Variants in NCAN observed in about 807,000 individuals in gnomAD.
NCAN encodes neurocan, also known as neurocan core protein.
Under a neutral mutation model 121.8 loss-of-function variants are expected in NCAN, and 47 were observed. The ratio of observed to expected loss-of-function variants is 0.39; its 90% CI spans 0.31 to 0.49. NCAN has a LOEUF of 0.49. Ranked by LOEUF, NCAN falls within the 20% of genes least tolerant of loss-of-function variation. The pLI, the probability that NCAN is intolerant of heterozygous loss-of-function variation, is 0.92. For synonymous variants in NCAN, 633 were observed against 702.0 expected, an observed-to-expected ratio of 0.90 and a Z score of 1.55; for missense variants, 1,517 against 1,773.4, an observed-to-expected ratio of 0.86 and a Z score of 2.60.
Position 19,234,994 on chromosome 19 carries a change from T to A in NCAN, c.3148T>A (p.Cys1050Ser). 1 of 1,610,434 alleles carries A rather than the reference T, an allele frequency of 6.2e-7. No homozygotes were observed. The highest frequency in any genetic ancestry group is 8.5e-7 in the Non-Finnish European group (1 of 1,177,312). ...CCCCTCTCTGCCAGACATTGATGAC[T>A]GCCTCTGCAGCCCCTGTGAGAATGG... ...GENCEIDIDD[C>S]LCSPCENGGT... The change falls in exon 10 of 15, where the codon TGC (cysteine) becomes AGC (serine). Residue 1050 changes from cysteine (C) to serine (S), a missense_variant. Cys to Ser is a moderately radical substitution (Grantham distance 112). Coordinates refer to ENST00000252575, the MANE Select transcript of NCAN (RefSeq NM_004386.3).
chr19:19,239,198 C>G lies in NCAN; in HGVS notation c.3409+787C>G, dbSNP rs369626698. ...GGTTTACTCCTGCTTCTCCTGGCCA[C>G]AAACCCTGGGATAGCCTGGGCCTAC... On this transcript the variant is annotated intron_variant, in intron 11 of 14. Transcript: ENST00000252575. Among the ~76,000 whole-genome samples the G allele has an allele frequency of 1.2e-3, 186 of 152,218 alleles. 1 individual carries two copies. Among genetic ancestry groups the G allele is most frequent in the African/African-American group, 4.2e-3 (174 of 41,512 alleles).
At chr19:19,222,617 G>A (rs570799437) in intron 3 of NCAN, among the ~76,000 whole-genome samples, 40 of 152,272 alleles carry the variant, frequency 2.6e-4, no homozygotes, top group South Asian at 1.9e-3. Flanking sequence ...CACTGTACTG[G>A]TCCAATGCTG....
At chr19:19,221,342 A>G (rs574454867) in intron 3 of NCAN, among the ~76,000 whole-genome samples, 15 of 152,096 alleles carry the variant, frequency 9.9e-5, no homozygotes, top group African/African-American at 3.1e-4. Context: ...GTTCGAGACC[A>G]GCAGATCATG....
At chr19:19,243,515 C>CAAAAAAAAAAA (rs781710638) in intron 12 of NCAN, among the ~76,000 whole-genome samples, 1 of 42,664 alleles carries the variant, frequency 2.3e-5, no homozygotes, top group African/African-American at 8.1e-5. Context: ...GACTCCATCT[C>CAAAAAAAAAAA]AAAAAAAAAA....
rs55989964 is a variant in NCAN at position 19,250,343 on chromosome 19, C to G, written c.*432C>G. 11,383 of 365,612 alleles carry G rather than the reference C, an allele frequency of 0.031. 277 individuals carry two copies. Among genetic ancestry groups the G allele is most frequent in the Non-Finnish European group, 0.046 (8,572 of 187,686 alleles). 22.6% of individuals were successfully genotyped at this position (365,612 alleles called of 1,614,324 possible). A position where few individuals can be genotyped will look rare whatever the true frequency, so the allele number is the denominator to read the frequency against. ...CTGAATTCCTAAATCCAGGAAGAAG[C>G]CTGGACGTAGGGTCATTAGCTTTGG... On this transcript the variant is annotated 3_prime_UTR_variant, in exon 15 of 15. Coordinates refer to ENST00000252575, the MANE Select transcript of NCAN (RefSeq NM_004386.3).
intron 9 of NCAN, 146 bp downstream of exon 9, chr19:19,234,051 C>T (rs1336043448): frequency 3.4e-6 from 2 of 594,924 alleles, no homozygotes; most frequent in Non-Finnish European, 6.1e-6. Context: ...TCCTTGCATT[C>T]AGCTAAATCA....
In NCAN at chr19:19,244,203, G is replaced by T. The variant is rs2146557932; in HGVS notation, c.3493-1110G>T. Among the ~76,000 whole-genome samples, 2 of 152,012 alleles carry T rather than the reference G, an allele frequency of 1.3e-5. 1 individual carries two copies. Among genetic ancestry groups the T allele is most frequent in the South Asian group, 4.2e-4 (2 of 4,814 alleles). ...CCATCACGCAGCTCCAGCCCCACTG[G>T]GCTTTGTCTGTTCCTCAAGCAGAAC... is the stretch of plus-strand genomic sequence containing the variant. On this transcript the variant is annotated intron_variant, in intron 12 of 14. Coordinates refer to ENST00000252575, the MANE Select transcript of NCAN (RefSeq NM_004386.3).
Position 19,219,066 on chromosome 19 carries a change from G to A in NCAN, c.225G>A (p.Arg75=). The A allele has an allele frequency of 6.2e-7, 1 of 1,612,422 alleles. No homozygotes were observed. The highest frequency in any genetic ancestry group is 8.5e-7 in the Non-Finnish European group (1 of 1,179,138). ...CAAGCGCAGCCCGAGATGCCCCTCGGATAAAGTGGACCAAGGTGCGGACTG... is the reference window on the plus strand; with the variant it reads ...CAAGCGCAGCCCGAGATGCCCCTCGAATAAAGTGGACCAAGGTGCGGACTG... The part of the protein sequence containing the change: ...PRPSAARDAP[R]IKWTKVRTAS... The change falls in exon 3 of 15, where the codon CGG becomes CGA. Residue 75 remains arginine (R), a synonymous_variant. Transcript: ENST00000252575.
intron 12 of NCAN, among the ~76,000 whole-genome samples, 193 bp from the exon 13 acceptor site, chr19:19,245,120 C>T (rs2060919702): frequency 1.3e-5 from 2 of 152,284 alleles, no homozygotes; most frequent in African/African-American, 4.8e-5. Flanking sequence ...GCCTCCAAAC[C>T]AGAGGAATGG....
intron 9 of NCAN, 94 bp downstream of exon 9, chr19:19,233,999 T>G: frequency 2.5e-6 from 2 of 796,604 alleles, no homozygotes; most frequent in Non-Finnish European, 4.2e-6. Context: ...AATTCAGAGA[T>G]CACAAAAAGC....
chr19:19,213,499 T>C (rs1257271871), intron 1 of NCAN, among the ~76,000 whole-genome samples: 1 of 102,326 alleles, frequency 9.8e-6, no homozygotes, highest in African/African-American at 4.1e-5. Flanking sequence ...CATCAAGGGG[T>C]TTATGTGGGG....
At chr19:19,240,961 C>T (rs1038985405) in intron 12 of NCAN, among the ~76,000 whole-genome samples, 2 of 152,214 alleles carry the variant, frequency 1.3e-5, no homozygotes, top group Non-Finnish European at 2.9e-5. Context: ...CCTGGTCCCC[C>T]AGCCATGGTC....
chr19:19,219,387 A>G lies in NCAN; in HGVS notation c.475+71A>G, dbSNP rs750266727. Reference sequence around the variant, plus strand: ...GCTGAGCCTGGAGCCCACCCACTGAATGTCACCTTAGAAATCACTCCCTGA... The same window carrying G: ...GCTGAGCCTGGAGCCCACCCACTGAGTGTCACCTTAGAAATCACTCCCTGA... On this transcript the variant is annotated intron_variant, in intron 3 of 14. Transcript: ENST00000252575. 168 of 1,392,020 alleles carry G rather than the reference A, an allele frequency of 1.2e-4. 1 individual carries two copies. The highest frequency in any genetic ancestry group is 5.4e-5 in the Admixed American group (2 of 37,216). 86.2% of individuals were successfully genotyped at this position (1,392,020 alleles called of 1,614,324 possible). A position where few individuals can be genotyped will look rare whatever the true frequency, so the allele number is the denominator to read the frequency against.
rs758158777 is a variant in NCAN, at chr19:19,227,823, G to A, written c.2203G>A (p.Ala735Thr). Residue 735 changes from alanine to threonine, a missense_variant, in exon 8 of 15, where the codon GCT (alanine) becomes ACT (threonine). Ala to Thr is a moderately conservative substitution (Grantham distance 58, BLOSUM62 0). Coordinates refer to ENST00000252575, the MANE Select transcript of NCAN (RefSeq NM_004386.3). This position sits in a 1 kb window ranked among gnomAD's most constrained non-coding sequence, Gnocchi z 4.2. ...ATGGCCTTCTGTAAACAGGAATGTG[G>A]CTGTAGGTTTTGTCCCCACTGAGAC... ...SPWPSVNRNV[A>T]VGFVPTETAT... The A allele has an allele frequency of 5.6e-6, 9 of 1,613,638 alleles. No homozygotes were observed. Among genetic ancestry groups the A allele is most frequent in the Non-Finnish European group, 7.6e-6 (9 of 1,180,020 alleles).
intron 3 of NCAN, among the ~76,000 whole-genome samples, chr19:19,220,031 G>GA (rs941933885): frequency 1.3e-5 from 2 of 150,264 alleles, no homozygotes; most frequent in Non-Finnish European, 3.0e-5. Context: ...TGTCTCAAAA[G>GA]AAAAAAAACG....
chr19:19,223,909 TA>T lies in NCAN; in HGVS notation c.476-111del, dbSNP rs1251608365. On this transcript the variant is annotated intron_variant, in intron 3 of 14. Coordinates refer to ENST00000252575, the MANE Select transcript of NCAN (RefSeq NM_004386.3). ...CCTCGACCCACACTGTGCCTGGCGC[TA>T]GGTCTATTATTATCAGACAGGGGTG... is the stretch of plus-strand genomic sequence containing the variant. The T allele has an allele frequency of 3.0e-5, 33 of 1,102,814 alleles. No homozygotes were observed. The African/African-American group carries it at 4.2e-4, about 14-fold the overall frequency. The allele number at this position is 1,102,814 out of a possible 1,614,324, so 68.3% of individuals were successfully genotyped here. A position where few individuals can be genotyped will look rare whatever the true frequency, so the allele number is the denominator to read the frequency against.
chr19:19,249,338 T>A (rs1007868574), intron 14 of NCAN, among the ~76,000 whole-genome samples: 4 of 152,098 alleles, frequency 2.6e-5, no homozygotes, highest in Admixed American at 2.6e-4. Context: ...CCCAAAGTGC[T>A]GGGATTACAG....
At position 19,251,841 on chromosome 19, in the gene NCAN, T is replaced by C. The variant is rs2060947356; in HGVS notation, c.*1930T>C. On this transcript the variant is annotated 3_prime_UTR_variant, in exon 15 of 15. Coordinates refer to ENST00000252575, the MANE Select transcript of NCAN (RefSeq NM_004386.3). The stretch of plus-strand genomic sequence containing the variant: ...AACTCTTCTTAGTTTAAAATAATAA[T>C]AATAACACATCTTTGGTCATCTATG... The C allele has an allele frequency of 6.6e-6, 1 of 151,740 alleles. No homozygotes were observed. Among genetic ancestry groups the C allele is most frequent in the African/African-American group, 2.4e-5 (1 of 41,302 alleles). The allele number at this position is 151,740 out of a possible 1,614,324, so 9.4% of individuals were successfully genotyped here.
In NCAN at chr19:19,233,821, C is replaced by A. The variant is rs1325775779; in HGVS notation, c.3052C>A (p.Leu1018Ile). The stretch of plus-strand genomic sequence containing the variant: ...AGATCCCTGTGAGAACAACCCTTGT[C>A]TTCATGGAGGGACATGTAATGCCAA... The part of the protein sequence containing the change: ...HSDPCENNPC[L>I]HGGTCNANGT... Residue 1018 changes from leucine (L) to isoleucine (I), a missense_variant, in exon 9 of 15, where the codon CTT becomes ATT. By Grantham distance (5) the Leu-to-Ile change is conservative. Coordinates refer to ENST00000252575, the MANE Select transcript of NCAN (RefSeq NM_004386.3). 6.2e-7 allele frequency: 1 copy of A among 1,613,876 alleles called. No homozygotes were observed. The highest frequency in any genetic ancestry group is 1.7e-5 in the Admixed American group (1 of 60,028).
Sources: allele counts gnomAD v4.1 joint callset (sites outside exome capture counted in the v4.1 genomes callset), GRCh38; gene constraint gnomAD v4.1.1; non-coding constraint Gnocchi (gnomAD v3.1); transcripts MANE v1.5; gene names NCBI Gene and HGNC (gene_info 2026-07-23, HGNC 2026-07-21).